LSAMP: variants seen among roughly 807,000 people sequenced by gnomAD.
LSAMP encodes the protein limbic system associated membrane protein, also known as limbic system-associated membrane protein.
LSAMP carries 7 observed loss-of-function variants against 38.6 expected under a neutral mutation model. The observed-to-expected ratio is 0.18, with a 90% CI of 0.10 to 0.34. LSAMP has a LOEUF of 0.34. Among genes scored for constraint, LSAMP ranks in the 10% least tolerant of loss-of-function variants. The pLI is 1.00. For missense variants in LSAMP, 313 were observed against 420.0 expected, an observed-to-expected ratio of 0.75 and a Z score of 2.23; for synonymous variants, 154 against 166.8, an observed-to-expected ratio of 0.92 and a Z score of 0.59.
intron 1 of LSAMP, among the ~76,000 whole-genome samples, chr3:116,200,831 G>A (rs1253247799): frequency 6.6e-6 from 1 of 152,164 alleles, no homozygotes; most frequent in Non-Finnish European, 1.5e-5. Context: ...ATGCTGCAGT[G>A]TTTTCCCCTT....
intron 1 of LSAMP, among the ~76,000 whole-genome samples, chr3:116,237,162 A>G (rs1451179491): frequency 2.0e-5 from 3 of 152,102 alleles, no homozygotes; most frequent in African/African-American, 7.2e-5. Context: ...AATAAAATCC[A>G]CTTTCTACTC....
intron 3 of LSAMP, among the ~76,000 whole-genome samples, chr3:115,901,485 G>A (rs551878294): frequency 6.6e-6 from 1 of 152,142 alleles, no homozygotes; most frequent in East Asian, 1.9e-4. Context: ...TGACACACTA[G>A]CATTTCAAAA....
rs140965286 is a variant in LSAMP, at chr3:116,261,465, C to T, written c.156-174909G>A. ...ATTGAATTATCAGCATGTCACCTCGCTATTTAGAAAGCTGTCATCTGATGC... is the reference window on the plus strand; with the variant it reads ...ATTGAATTATCAGCATGTCACCTCGTTATTTAGAAAGCTGTCATCTGATGC... On this transcript the variant is annotated intron_variant, in intron 1 of 6. Transcript: ENST00000490035. Among the ~76,000 whole-genome samples the T allele has an allele frequency of 6.8e-4, 103 of 152,304 alleles. 1 individual carries two copies. Among genetic ancestry groups the T allele is most frequent in the East Asian group, 5.2e-3 (27 of 5,186 alleles).
intron 3 of LSAMP, among the ~76,000 whole-genome samples, chr3:115,956,218 T>G (rs2107586051): frequency 6.6e-6 from 1 of 151,504 alleles, no homozygotes; most frequent in Non-Finnish European, 1.5e-5. Flanking sequence ...GGGAAAGCAC[T>G]AGGGTATCTG....
At chr3:116,054,410 G>A (rs73139184) in intron 2 of LSAMP, among the ~76,000 whole-genome samples, 36,253 of 151,970 alleles carry the variant, frequency 0.24, 4,425 homozygotes, top group Admixed American at 0.28. Context: ...CATCTCCAGC[G>A]TGGGGGCATT....
chr3:116,346,817 C>T (rs2048069670), intron 1 of LSAMP, among the ~76,000 whole-genome samples: 1 of 152,158 alleles, frequency 6.6e-6, no homozygotes, highest in South Asian at 2.1e-4. Flanking sequence ...TTTGTTTCTA[C>T]ACATATCCTA....
chr3:116,366,517 C>G (rs1276423710), intron 1 of LSAMP, among the ~76,000 whole-genome samples: 1 of 152,132 alleles, frequency 6.6e-6, no homozygotes, highest in Non-Finnish European at 1.5e-5. Context: ...CTCAGGGTCA[C>G]TCAGTGTCCT....
At chr3:116,225,147 G>T (rs1227976056) in intron 1 of LSAMP, among the ~76,000 whole-genome samples, 1 of 152,122 alleles carries the variant, frequency 6.6e-6, no homozygotes, top group African/African-American at 2.4e-5. Flanking sequence ...CTAACTCCCA[G>T]TACCCATAAA....
chr3:116,326,127 AAACT>A (rs2047768640), intron 1 of LSAMP, among the ~76,000 whole-genome samples: 1 of 152,114 alleles, frequency 6.6e-6, no homozygotes, highest in African/African-American at 2.4e-5. Flanking sequence ...TTAATCAATC[AAACT>A]ATCTATATAG....
At chr3:116,056,771 G>C (rs1941497143) in intron 2 of LSAMP, among the ~76,000 whole-genome samples, 1 of 151,970 alleles carries the variant, frequency 6.6e-6, no homozygotes, top group Non-Finnish European at 1.5e-5. Flanking sequence ...TCCTGTTATG[G>C]GAGAAAAAGT....
At chr3:116,354,688 T>A (rs1185726413) in intron 1 of LSAMP, among the ~76,000 whole-genome samples, 1 of 152,176 alleles carries the variant, frequency 6.6e-6, no homozygotes, top group African/African-American at 2.4e-5. Context: ...TAAACATATA[T>A]CTACTACCTA....
At chr3:116,427,469 C>T (rs146153185) in intron 1 of LSAMP, among the ~76,000 whole-genome samples, 102 of 152,242 alleles carry the variant, frequency 6.7e-4, no homozygotes, top group East Asian at 6.6e-3. Context: ...CATCAGCTCA[C>T]GGCATTTTTT....
intron 3 of LSAMP, among the ~76,000 whole-genome samples, chr3:115,935,861 G>A (rs1395443897): frequency 2.0e-5 from 3 of 152,152 alleles, no homozygotes; most frequent in South Asian, 2.1e-4. Flanking sequence ...AACCTGGAAC[G>A]TAATTTGAAG....
chr3:116,182,787 A>G lies in LSAMP; in HGVS notation c.156-96231T>C, dbSNP rs146649199. ...AGGAGAGAGTTGATCCTGGTAATGT[A>G]TATTTTTGTACATTCTCATAATAGA... On this transcript the variant is annotated intron_variant, in intron 1 of 6. Coordinates refer to ENST00000490035, the MANE Select transcript of LSAMP (RefSeq NM_002338.5). Among the ~76,000 whole-genome samples, 352 of 151,924 alleles carry G rather than the reference A, an allele frequency of 2.3e-3. 3 individuals carry two copies. Among genetic ancestry groups the G allele is most frequent in the African/African-American group, 7.9e-3 (328 of 41,510 alleles).
At chr3:116,100,767 T>G (rs1416860945) in intron 1 of LSAMP, among the ~76,000 whole-genome samples, 3 of 152,228 alleles carry the variant, frequency 2.0e-5, no homozygotes, top group African/African-American at 7.2e-5. Flanking sequence ...TCAGTTCACT[T>G]AACCTAGCTT....
chr3:116,104,958 C>T lies in LSAMP; in HGVS notation c.156-18402G>A, dbSNP rs529187828. On this transcript the variant is annotated intron_variant, in intron 1 of 6. Coordinates refer to ENST00000490035, the MANE Select transcript of LSAMP (RefSeq NM_002338.5). ...ACATACAGCCATGGCAGGAGCACAG[C>T]GGTGGAAGAGAACTATTGCTTTGGC... Among the ~76,000 whole-genome samples the T allele has an allele frequency of 4.6e-5, 7 of 152,284 alleles. No individual in the cohort carries two copies. In the South Asian group the frequency reaches 8.3e-4, roughly 18 times the overall value.
At chr3:115,868,439 A>G (rs1935922486) in intron 3 of LSAMP, among the ~76,000 whole-genome samples, 1 of 152,114 alleles carries the variant, frequency 6.6e-6, no homozygotes, top group East Asian at 1.9e-4. Context: ...AATATTATAA[A>G]GCAACTTAAG....
intron 2 of LSAMP, among the ~76,000 whole-genome samples, chr3:116,062,665 A>G (rs1941615552): frequency 6.6e-6 from 1 of 152,118 alleles, no homozygotes; most frequent in South Asian, 2.1e-4. Flanking sequence ...CTTTTCAGAA[A>G]ATTTATTTTT....
At chr3:115,904,758 T>C (rs755032941) in intron 3 of LSAMP, among the ~76,000 whole-genome samples, 4 of 152,166 alleles carry the variant, frequency 2.6e-5, no homozygotes, top group Non-Finnish European at 4.4e-5. Flanking sequence ...ACTCATTTCA[T>C]CTCTGCCTAC....
Sources: allele counts gnomAD v4.1 joint callset (sites outside exome capture counted in the v4.1 genomes callset), GRCh38; gene constraint gnomAD v4.1.1; transcripts MANE v1.5; gene names NCBI Gene and HGNC (gene_info 2026-07-23, HGNC 2026-07-21).